Variants in KANK1 observed in about 807,000 individuals in gnomAD.
The protein encoded by KANK1 is KN motif and ankyrin repeat domain-containing protein 1.
In KANK1, 109 loss-of-function variants were observed where a neutral mutation model predicts 106.2. The observed-to-expected ratio is 1.03, with a 90% CI of 0.88 to 1.20. The LOEUF (loss-of-function observed/expected upper bound fraction) is 1.20. Ranked by LOEUF, KANK1 falls within the 50% of genes most tolerant of loss-of-function variation. KANK1 has a pLI of 0.00. For synonymous variants in KANK1, 873 were observed against 652.2 expected, an observed-to-expected ratio of 1.34 and a Z score of -5.16; for missense variants, 2,399 against 1,710.7, an observed-to-expected ratio of 1.40 and a Z score of -7.10.
chr9:562,513 A>C (rs1046373290), intron 1 of KANK1, among the ~76,000 whole-genome samples: 1 of 152,170 alleles, frequency 6.6e-6, no homozygotes. Flanking sequence ...AGCTGCAGTG[A>C]GATGGTGTAG....
In KANK1 at chr9:712,994, C is replaced by T. The variant is rs114563873; in HGVS notation, c.2228C>T (p.Ser743Phe). 7 of 1,614,102 alleles carry T rather than the reference C, an allele frequency of 4.3e-6. No homozygotes were observed. The highest frequency in any genetic ancestry group is 5.9e-6 in the Non-Finnish European group (7 of 1,180,050). The stretch of plus-strand genomic sequence containing the variant: ...TCCATTGGTGTTGGAACGTTGCTTT[C>T]TGGCCATTCTGGGTTTGACAGGCCA... Reference protein sequence around the residue: ...TRSIGVGTLLSGHSGFDRPSA... With the variant: ...TRSIGVGTLLFGHSGFDRPSA... The change falls in exon 3 of 12, where the codon TCT becomes TTT. Residue 743 changes from serine to phenylalanine, a missense_variant. Transcript: ENST00000382297.
At chr9:591,168 T>C (rs1357992923) in intron 1 of KANK1, among the ~76,000 whole-genome samples, 1 of 151,934 alleles carries the variant, frequency 6.6e-6, no homozygotes, top group African/African-American at 2.4e-5. Flanking sequence ...ATTTTAAAGA[T>C]TTAAAATTTT....
chr9:498,344 C>T (rs929593400), intron 3 of KANK1, among the ~76,000 whole-genome samples: 4 of 152,072 alleles, frequency 2.6e-5, no homozygotes, highest in Admixed American at 1.3e-4. Context: ...TTGTATAACG[C>T]GTGGTCATGT....
At chr9:693,708 C>A in intron 2 of KANK1, 1 of 985,294 alleles carries the variant, frequency 1.0e-6, no homozygotes, top group Non-Finnish European at 1.2e-6. Context: ...TGTGTGGAGT[C>A]CCTTTAATGC....
At chr9:529,212 ACT>A (rs563882649) in intron 1 of KANK1, among the ~76,000 whole-genome samples, 46 of 149,998 alleles carry the variant, frequency 3.1e-4, no homozygotes, top group African/African-American at 9.9e-4. Flanking sequence ...TCCAGAGATA[ACT>A]CTGTTAATAT....
At chr9:475,119 A>G (rs899558713) in intron 3 of KANK1, among the ~76,000 whole-genome samples, 3 of 152,174 alleles carry the variant, frequency 2.0e-5, no homozygotes, top group Admixed American at 2.0e-4. Flanking sequence ...CAGCAGCTTC[A>G]CAATAAGATC....
intron 1 of KANK1, among the ~76,000 whole-genome samples, chr9:654,521 AT>A (rs900174282): frequency 6.6e-6 from 1 of 150,538 alleles, no homozygotes. Context: ...GGACAATAGA[AT>A]TTTTTTTTTC....
intron 1 of KANK1, among the ~76,000 whole-genome samples, chr9:659,544 A>T (rs186848777): frequency 2.6e-5 from 4 of 152,236 alleles, no homozygotes; most frequent in Non-Finnish European, 5.9e-5. Context: ...ATGAAGAACT[A>T]CCTGAGACTG....
In KANK1 at chr9:740,825, G is replaced by A. The variant is rs1339070196; in HGVS notation, c.3587G>A (p.Gly1196Asp). The A allele has an allele frequency of 1.9e-6, 3 of 1,613,638 alleles. No homozygotes were observed. Among genetic ancestry groups the A allele is most frequent in the Non-Finnish European group, 2.5e-6 (3 of 1,179,954 alleles). ...VCNVDHQNKAGYTPIMLAALA... is the reference protein window; with the variant it reads ...VCNVDHQNKADYTPIMLAALA... ...AATGTGGATCACCAGAACAAGGCAGGCTACACCCCCATCATGTTGGCGGCC... is the reference window on the plus strand; with the variant it reads ...AATGTGGATCACCAGAACAAGGCAGACTACACCCCCATCATGTTGGCGGCC... Residue 1196 changes from glycine (G) to aspartate (D), a missense_variant, in exon 9 of 12, where the codon GGC becomes GAC. Gly to Asp is a moderately conservative substitution (Grantham distance 94, BLOSUM62 -1). Transcript: ENST00000382297.
chr9:691,292 A>G (rs1291071235), intron 2 of KANK1, among the ~76,000 whole-genome samples: 2 of 119,536 alleles, frequency 1.7e-5, no homozygotes, highest in South Asian at 3.7e-4. Flanking sequence ...ATATTTATGA[A>G]TGTAGCAGAT....
chr9:553,599 G>C (rs796157856), intron 1 of KANK1, among the ~76,000 whole-genome samples: 5 of 152,282 alleles, frequency 3.3e-5, no homozygotes, highest in African/African-American at 1.2e-4. Flanking sequence ...TAACACAGGG[G>C]ATGAAGTAAA....
intron 1 of KANK1, among the ~76,000 whole-genome samples, chr9:628,844 C>G (rs1834982842): frequency 6.6e-6 from 1 of 152,046 alleles, no homozygotes; most frequent in Non-Finnish European, 1.5e-5. Context: ...TTTGGGAGGT[C>G]AAAGTGCGCA....
intron 3 of KANK1, among the ~76,000 whole-genome samples, chr9:715,952 G>A (rs1032525068): frequency 6.6e-6 from 1 of 152,200 alleles, no homozygotes; most frequent in Non-Finnish European, 1.5e-5. Flanking sequence ...GGCCCAGGGT[G>A]CACTGTGCAT....
chr9:616,437 C>CT (rs1470240275), intron 1 of KANK1, among the ~76,000 whole-genome samples: 1 of 152,176 alleles, frequency 6.6e-6, no homozygotes, highest in Non-Finnish European at 1.5e-5. Flanking sequence ...TACGAAACCT[C>CT]TATTTTGTCA....
In KANK1 at chr9:558,251, A is replaced by G. The variant is rs570565174; in HGVS notation, c.-84+53497A>G. 2.1e-4 allele frequency among the ~76,000 whole-genome samples: 32 copies of G among 152,320 alleles called. No individual in the cohort carries two copies. In the South Asian group the frequency reaches 6.2e-3, roughly 30 times the overall value. On this transcript the variant is annotated intron_variant, in intron 1 of 11. Transcript: ENST00000382297. ...GATATCCAGAGATAGCAAACTGCTC[A>G]CTGCAGGAAATAGGGGAAATAGAGG...
rs567354799 is a variant in KANK1 at position 628,115 on chromosome 9, C to A, written c.-83-48775C>A. Among the ~76,000 whole-genome samples the A allele has an allele frequency of 2.0e-4, 30 of 152,310 alleles. 1 individual carries two copies. The South Asian group carries it at 6.2e-3, about 32-fold the overall frequency. On this transcript the variant is annotated intron_variant, in intron 1 of 11. Transcript: ENST00000382297. ...CAGTAATCCTAGAGAGTATTTCCTG[C>A]ATCTTATTGATGAGGAATTGAAGCT...
At chr9:587,231 T>G (rs1246244459) in intron 1 of KANK1, among the ~76,000 whole-genome samples, 1 of 152,244 alleles carries the variant, frequency 6.6e-6, no homozygotes, top group Admixed American at 6.5e-5. Context: ...ATCTGTTCCC[T>G]AGTCTTTTAT....
intron 11 of KANK1, 115 bp from the exon 12 acceptor site, chr9:745,058 G>A (rs1836832770): frequency 9.8e-6 from 15 of 1,530,912 alleles, no homozygotes; most frequent in Non-Finnish European, 1.2e-5. Flanking sequence ...AGCTCTCCTG[G>A]CTCGGGCTCA....
chr9:581,193 G>A (rs1033297264), intron 1 of KANK1, among the ~76,000 whole-genome samples: 3 of 152,170 alleles, frequency 2.0e-5, no homozygotes, highest in African/African-American at 4.8e-5. Flanking sequence ...AGCCGGCTCC[G>A]GCCTCGGCCA....
Sources: allele counts gnomAD v4.1 joint callset (sites outside exome capture counted in the v4.1 genomes callset), GRCh38; gene constraint gnomAD v4.1.1; transcripts MANE v1.5; gene names NCBI Gene and HGNC (gene_info 2026-07-23, HGNC 2026-07-21).